DENND5B: variants seen among roughly 807,000 people sequenced by gnomAD.
DENND5B encodes DENN domain containing 5B, also known as DENN domain-containing protein 5B.
In DENND5B, 34 loss-of-function variants were observed where a neutral mutation model predicts 140.6. The ratio of observed to expected loss-of-function variants is 0.24; its 90% CI spans 0.18 to 0.32. The LOEUF (loss-of-function observed/expected upper bound fraction) is 0.32. DENND5B is among the 10% of genes least tolerant of loss of function. The probability of loss-of-function intolerance (pLI) is 1.00; values close to 1 mark genes in which losing one functional copy is unlikely to be tolerated. For synonymous variants in DENND5B, 551 were observed against 562.1 expected (o/e 0.98, Z 0.28); for missense variants, 1,142 against 1,560.2 (o/e 0.73, Z 4.52).
chr12:31,494,942 ATTC>A (rs1331839618), intron 2 of DENND5B, among the ~76,000 whole-genome samples: 1 of 152,138 alleles, frequency 6.6e-6, no homozygotes, highest in Non-Finnish European at 1.5e-5. Flanking sequence ...TTGTCGCTTC[ATTC>A]TTTCCTTGCT....
chr12:31,508,370 A>G (rs1186707261), intron 1 of DENND5B, among the ~76,000 whole-genome samples: 1 of 152,224 alleles, frequency 6.6e-6, no homozygotes, highest in African/African-American at 2.4e-5. Flanking sequence ...TTCCTCCTAC[A>G]TTAGAAATCA....
intron 2 of DENND5B, among the ~76,000 whole-genome samples, chr12:31,487,464 G>A (rs1038017839): frequency 6.6e-6 from 1 of 152,296 alleles, no homozygotes; most frequent in African/African-American, 2.4e-5. Flanking sequence ...TCGGGAGGCT[G>A]AGACGGGTGG....
chr12:31,409,156 T>A, intron 14 of DENND5B, 107 bp downstream of exon 14: 1 of 1,179,810 alleles, frequency 8.5e-7, no homozygotes, highest in Non-Finnish European at 1.1e-6. Context: ...CCTGGGCGTA[T>A]GTCACAATGT....
intron 1 of DENND5B, among the ~76,000 whole-genome samples, chr12:31,544,681 C>G (rs1948796397): frequency 6.6e-6 from 1 of 151,912 alleles, no homozygotes; most frequent in South Asian, 2.1e-4. Context: ...AAATTTAAAT[C>G]TCCTGTGCAT....
At chr12:31,544,268 A>G (rs1452565447) in intron 1 of DENND5B, among the ~76,000 whole-genome samples, 2 of 152,196 alleles carry the variant, frequency 1.3e-5, no homozygotes, top group Non-Finnish European at 2.9e-5. Context: ...GATATTATCA[A>G]TGTCACATTT....
At chr12:31,412,213 G>A (rs1260883531) in intron 13 of DENND5B, among the ~76,000 whole-genome samples, 1 of 152,196 alleles carries the variant, frequency 6.6e-6, no homozygotes, top group African/African-American at 2.4e-5. Context: ...CTCCCAAAGT[G>A]TTGGGATTAC....
In DENND5B at chr12:31,413,467, T is replaced by C; in HGVS notation, c.2650A>G (p.Lys884Glu). The C allele has an allele frequency of 6.2e-7, 1 of 1,613,884 alleles. No homozygotes were observed. Among genetic ancestry groups the C allele is most frequent in the Non-Finnish European group, 8.5e-7 (1 of 1,179,812 alleles). The change falls in exon 13 of 21, where the codon AAG (lysine) becomes GAG (glutamate). Residue 884 changes from lysine to glutamate, a missense_variant. Around this residue, in one of 5 missense-constraint regions of DENND5B, gnomAD observed 268 missense variants for 349.2 expected, o/e 0.77. Transcript: ENST00000389082. ...AGTGGTTGGTTAGAAAGCAACTGCT[T>C]AAGATGCTGGGACAAGAGCTTCTTT... ...LEKKLLSQHL[K>E]QLLSNQPLTK...
At chr12:31,524,677 C>T (rs908655889) in intron 1 of DENND5B, among the ~76,000 whole-genome samples, 30 of 150,450 alleles carry the variant, frequency 2.0e-4, no homozygotes, top group African/African-American at 7.4e-4. Flanking sequence ...AAGGAATATC[C>T]TTGAAATTTA....
At chr12:31,517,952 G>A (rs923907020) in intron 1 of DENND5B, among the ~76,000 whole-genome samples, 1 of 152,166 alleles carries the variant, frequency 6.6e-6, no homozygotes, top group Non-Finnish European at 1.5e-5. Context: ...GCCTTTGCAG[G>A]TGGATGAGAA....
intron 1 of DENND5B, among the ~76,000 whole-genome samples, chr12:31,563,516 C>T (rs1241729487): frequency 6.6e-6 from 1 of 152,064 alleles, no homozygotes; most frequent in East Asian, 1.9e-4. Flanking sequence ...CTTCCTAAAA[C>T]AGAAGCAGGA....
In DENND5B at chr12:31,423,643, T is replaced by C. The variant is rs765356750; in HGVS notation, c.2424A>G (p.Gln808=). 2.5e-5 allele frequency: 41 copies of C among 1,613,834 alleles called. No individual in the cohort carries two copies. The highest frequency in any genetic ancestry group is 4.0e-5 in the African/African-American group (3 of 74,924). Residue 808 remains glutamine (Q), a synonymous_variant, in exon 11 of 21, where the codon CAA becomes CAG. Coordinates refer to ENST00000389082, the MANE Select transcript of DENND5B (RefSeq NM_144973.4). ...CTTGTTTCTCTTCTCTGTCCTGAAA[T>C]TGAATTAAATGTGACCACAAAGCCG... is the stretch of plus-strand genomic sequence containing the variant. The part of the protein sequence containing the change: ...GKSALWSHLI[Q]FQDREEKQEH...
rs147504680 is a variant in DENND5B, at chr12:31,456,699, G to T, written c.1092+3495C>A. Among the ~76,000 whole-genome samples the T allele has an allele frequency of 8.7e-4, 133 of 152,280 alleles. 2 individuals carry two copies. Among genetic ancestry groups the T allele is most frequent in the African/African-American group, 3.1e-3 (130 of 41,560 alleles). ...AAGTATCCACAAATGAGAGACTAAT[G>T]CAGCTCTCTTCATGTTTAGTAAGTG... On this transcript the variant is annotated intron_variant, in intron 4 of 20. Coordinates refer to ENST00000389082, the MANE Select transcript of DENND5B (RefSeq NM_144973.4).
At chr12:31,416,310 C>G (rs977509628) in intron 11 of DENND5B, among the ~76,000 whole-genome samples, 2 of 151,738 alleles carry the variant, frequency 1.3e-5, no homozygotes, top group Non-Finnish European at 1.5e-5. Context: ...TGTTGCCAGG[C>G]TGAAGTGCAG....
chr12:31,409,051 T>G (rs1201392397), intron 14 of DENND5B, among the ~76,000 whole-genome samples: 1 of 152,238 alleles, frequency 6.6e-6, no homozygotes, highest in Non-Finnish European at 1.5e-5. Flanking sequence ...AGTGAGGTAC[T>G]TTTCTTCAGT....
chr12:31,413,457 A>G lies in DENND5B; in HGVS notation c.2660T>C (p.Leu887Pro), dbSNP rs776780765. The G allele has an allele frequency of 6.2e-7, 1 of 1,613,574 alleles. No homozygotes were observed. Among genetic ancestry groups the G allele is most frequent in the South Asian group, 1.1e-5 (1 of 91,014 alleles). ...KLLSQHLKQL[L>P]SNQPLTKKLY... ...TTACTTGGTGAGTGGTTGGTTAGAA[A>G]GCAACTGCTTAAGATGCTGGGACAA... Residue 887 changes from leucine to proline, a missense_variant, in exon 13 of 21, where the codon CTT (leucine) becomes CCT (proline). By Grantham distance (98) the Leu-to-Pro change is moderately conservative. Transcript: ENST00000389082.
intron 2 of DENND5B, among the ~76,000 whole-genome samples, chr12:31,493,963 A>G (rs1050736785): frequency 7.9e-5 from 12 of 152,012 alleles, no homozygotes; most frequent in Admixed American, 5.9e-4. Flanking sequence ...ATTCATTTCT[A>G]TATCTATCAT....
rs982682243 is a variant in DENND5B at position 31,579,248 on chromosome 12, G to A, written c.127+11458C>T. On this transcript the variant is annotated intron_variant, in intron 1 of 20. Coordinates refer to ENST00000389082, the MANE Select transcript of DENND5B (RefSeq NM_144973.4). The stretch of plus-strand genomic sequence containing the variant: ...GAACATCTGAGAAAGCTAATCTTGC[G>A]GCCTCTTCTATCCTCAGGATGTGCT... Among the ~76,000 whole-genome samples, 14 of 152,236 alleles carry A rather than the reference G, an allele frequency of 9.2e-5. No individual in the cohort carries two copies. The South Asian group carries it at 1.9e-3, about 20-fold the overall frequency.
Position 31,451,333 on chromosome 12 carries a change from A to T in DENND5B, c.1629+607T>A, listed in dbSNP as rs538177918. On this transcript the variant is annotated intron_variant, in intron 5 of 20. Coordinates refer to ENST00000389082, the MANE Select transcript of DENND5B (RefSeq NM_144973.4). ...TCTATAAATTTTTATTTATTTATTT[A>T]TTTTTTTTGAGATGGAGTCTCTCTC... is the stretch of plus-strand genomic sequence containing the variant. Among the ~76,000 whole-genome samples, 101 of 151,766 alleles carry T rather than the reference A, an allele frequency of 6.7e-4. 1 individual carries two copies. Among genetic ancestry groups the T allele is most frequent in the African/African-American group, 1.9e-3 (77 of 41,462 alleles).
At chr12:31,522,301 A>G (rs759548849) in intron 1 of DENND5B, among the ~76,000 whole-genome samples, 2 of 152,214 alleles carry the variant, frequency 1.3e-5, no homozygotes, top group Non-Finnish European at 2.9e-5. Context: ...TTAGGAAAGC[A>G]TGGCCATATC....
Sources: allele counts gnomAD v4.1 joint callset (sites outside exome capture counted in the v4.1 genomes callset), GRCh38; gene constraint gnomAD v4.1.1; regional missense constraint gnomAD v4.1.1; transcripts MANE v1.5; gene names NCBI Gene and HGNC (gene_info 2026-07-23, HGNC 2026-07-21).